LRRC7: variants seen among roughly 807,000 people sequenced by gnomAD.
LRRC7 encodes the protein leucine rich repeat containing 7, also known as leucine-rich repeat-containing protein 7.
LRRC7 carries 23 observed loss-of-function variants against 175.7 expected under a neutral mutation model. That is an observed-to-expected ratio of 0.13 (90% CI 0.09 to 0.19). The LOEUF (loss-of-function observed/expected upper bound fraction) is 0.19. Among genes scored for constraint, LRRC7 ranks in the 10% least tolerant of loss-of-function variants. The pLI is 1.00. For missense variants in LRRC7, 1,354 were observed against 1,904.7 expected (o/e 0.71, Z 5.38); for synonymous variants, 685 against 680.9 (o/e 1.01, Z -0.09).
At chr1:69,930,898 T>G (rs1247176402) in intron 7 of LRRC7, among the ~76,000 whole-genome samples, 1 of 149,736 alleles carries the variant, frequency 6.7e-6, no homozygotes, top group African/African-American at 2.5e-5. Context: ...ACCCCCATGA[T>G]CCAATCACCT....
At chr1:69,576,149 T>A (rs896319996) in intron 1 of LRRC7, among the ~76,000 whole-genome samples, 3 of 151,656 alleles carry the variant, frequency 2.0e-5, no homozygotes, top group Non-Finnish European at 4.4e-5. Context: ...GGAAGATTGC[T>A]TTAGCTTAGG....
Position 69,578,908 on chromosome 1 carries a change from TGCAC to T in LRRC7, c.2+10268_2+10271del, listed in dbSNP as rs1277016265. ...GTATACATATGTAACCTGCACATTG[TGCAC>T]ATGTACCCTAAAACTTAAAGTATAA... is the stretch of plus-strand genomic sequence containing the variant. On this transcript the variant is annotated intron_variant, in intron 1 of 26. Coordinates refer to ENST00000651989, the MANE Select transcript of LRRC7 (RefSeq NM_001370785.2). Among the ~76,000 whole-genome samples the T allele has an allele frequency of 2.0e-3, 307 of 151,276 alleles. 2 individuals carry two copies. The highest frequency in any genetic ancestry group is 7.2e-3 in the African/African-American group (295 of 41,190).
chr1:69,904,925 G>A (rs1646250972), intron 7 of LRRC7, among the ~76,000 whole-genome samples: 1 of 152,010 alleles, frequency 6.6e-6, no homozygotes, highest in Non-Finnish European at 1.5e-5. Flanking sequence ...TGCGGTATTT[G>A]GTTTTCTGTG....
At chr1:70,088,871 G>A (rs549423986) in intron 24 of LRRC7, among the ~76,000 whole-genome samples, 8 of 152,138 alleles carry the variant, frequency 5.3e-5, no homozygotes, top group Non-Finnish European at 1.2e-4. Flanking sequence ...TTATCCCAAG[G>A]CGGACCCTAC....
At chr1:69,964,838 C>A (rs1247226582) in intron 8 of LRRC7, among the ~76,000 whole-genome samples, 1 of 152,204 alleles carries the variant, frequency 6.6e-6, no homozygotes, top group Non-Finnish European at 1.5e-5. Flanking sequence ...CCTACATAGT[C>A]CATTCTTCAG....
chr1:69,583,245 A>C (rs1458419187), intron 1 of LRRC7, among the ~76,000 whole-genome samples: 1 of 152,006 alleles, frequency 6.6e-6, no homozygotes, highest in Non-Finnish European at 1.5e-5. Context: ...TACTGTATCT[A>C]AAACTTTGGA....
At chr1:69,875,285 G>T (rs1258743572) in intron 7 of LRRC7, among the ~76,000 whole-genome samples, 1 of 152,004 alleles carries the variant, frequency 6.6e-6, no homozygotes, top group African/African-American at 2.4e-5. Context: ...GCATCAGTGT[G>T]CAGACTGTTG....
chr1:69,997,898 G>A (rs1267590368), intron 11 of LRRC7, among the ~76,000 whole-genome samples: 1 of 152,122 alleles, frequency 6.6e-6, no homozygotes, highest in Non-Finnish European at 1.5e-5. Context: ...TTTGGTATCA[G>A]GATGATGCTG....
intron 2 of LRRC7, among the ~76,000 whole-genome samples, chr1:69,689,550 G>T (rs549261429): frequency 6.6e-6 from 1 of 152,062 alleles, no homozygotes; most frequent in Non-Finnish European, 1.5e-5. Flanking sequence ...CAGAGACACC[G>T]AACTAAACAT....
At chr1:69,814,009 T>A (rs1274168808) in intron 4 of LRRC7, among the ~76,000 whole-genome samples, 1 of 152,042 alleles carries the variant, frequency 6.6e-6, no homozygotes, top group East Asian at 1.9e-4. Flanking sequence ...ATACAACAAA[T>A]ATATATAACA....
chr1:69,934,494 C>CGGGG (rs573858643), intron 8 of LRRC7, among the ~76,000 whole-genome samples: 23 of 46,494 alleles, frequency 4.9e-4, no homozygotes, highest in East Asian at 1.5e-3. Context: ...GATATTTTGG[C>CGGGG]GGGGGGGGGG....
At chr1:69,730,756 T>G (rs1434600561) in intron 2 of LRRC7, among the ~76,000 whole-genome samples, 4 of 152,290 alleles carry the variant, frequency 2.6e-5, no homozygotes, top group African/African-American at 9.6e-5. Flanking sequence ...CTTCCACATT[T>G]TCAGCTATCT....
chr1:69,907,722 CT>C (rs1307684610), intron 7 of LRRC7, among the ~76,000 whole-genome samples: 1 of 152,014 alleles, frequency 6.6e-6, no homozygotes, highest in Non-Finnish European at 1.5e-5. Flanking sequence ...CTAAAATTCT[CT>C]TTTTTGGTTG....
chr1:69,798,575 A>G (rs1676080638), intron 4 of LRRC7, among the ~76,000 whole-genome samples: 1 of 152,214 alleles, frequency 6.6e-6, no homozygotes, highest in South Asian at 2.1e-4. Flanking sequence ...AGATAATAAC[A>G]TGAGACACCA....
At chr1:69,919,023 G>T (rs1476816288) in intron 7 of LRRC7, among the ~76,000 whole-genome samples, 1 of 152,132 alleles carries the variant, frequency 6.6e-6, no homozygotes, top group Non-Finnish European at 1.5e-5. Context: ...AATAGAAAAA[G>T]ACTTAGAGGT....
chr1:69,831,955 T>C (rs2101301523), intron 5 of LRRC7, among the ~76,000 whole-genome samples: 1 of 152,294 alleles, frequency 6.6e-6, no homozygotes, highest in East Asian at 1.9e-4. Flanking sequence ...CACTTAAATT[T>C]GCAGTTTCAA....
At chr1:69,638,942 A>G (rs1037209403) in intron 1 of LRRC7, among the ~76,000 whole-genome samples, 2 of 151,612 alleles carry the variant, frequency 1.3e-5, no homozygotes, top group Non-Finnish European at 3.0e-5. Flanking sequence ...CCTCCAGTAT[A>G]AAGAGTGAAA....
intron 7 of LRRC7, chr1:69,874,832 T>G (rs1685896231): frequency 6.6e-6 from 1 of 152,130 alleles, no homozygotes; most frequent in African/African-American, 2.4e-5. Context: ...TGAGTACTTA[T>G]GAAGATCTAT....
chr1:69,926,900 C>T (rs1054543052), intron 7 of LRRC7, among the ~76,000 whole-genome samples: 2 of 152,104 alleles, frequency 1.3e-5, no homozygotes, highest in African/African-American at 4.8e-5. Context: ...TTCTTCGTAG[C>T]CTCAATGGTC....
Sources: allele counts gnomAD v4.1 joint callset (sites outside exome capture counted in the v4.1 genomes callset), GRCh38; gene constraint gnomAD v4.1.1; transcripts MANE v1.5; gene names NCBI Gene and HGNC (gene_info 2026-07-23, HGNC 2026-07-21).